The following SNAPC3 variants were observed in gnomAD, a reference collection of about 807,000 sequenced individuals.
SNAPC3 encodes the protein snRNA-activating protein complex subunit 3.
Under a neutral mutation model 47.7 loss-of-function variants are expected in SNAPC3, and 56 were observed. That is an observed-to-expected ratio of 1.18 (90% CI 0.95 to 1.47). The LOEUF is 1.47. Among genes scored for constraint, SNAPC3 ranks in the 40% most tolerant of loss-of-function variants. SNAPC3 has a pLI of 0.00. For missense variants in SNAPC3, 665 were observed against 511.3 expected (o/e 1.30, Z -2.90); for synonymous variants, 235 against 189.9 (o/e 1.24, Z -1.95).
At chr9:15,461,861 A>G (rs1358866110), downstream of SNAPC3, 1 of 152,210 alleles carries the variant, frequency 6.6e-6, no homozygotes, top group Non-Finnish European at 1.5e-5. Context: ...ATCAGTATAG[A>G]GAACTTAAGA....
downstream of SNAPC3, chr9:15,464,965 A>C: frequency 4.6e-6 from 1 of 217,214 alleles, no homozygotes; most frequent in Non-Finnish European, 9.3e-6. Context: ...TGTTCCAAAG[A>C]AGCTGGATAA....
intron 2 of SNAPC3, among the ~76,000 whole-genome samples, chr9:15,428,023 A>G (rs1258160077): frequency 6.6e-6 from 1 of 151,066 alleles, no homozygotes; most frequent in Non-Finnish European, 1.5e-5. Flanking sequence ...AGGCAAGAGA[A>G]TCACTTGAAC....
intron 2 of SNAPC3, among the ~76,000 whole-genome samples, chr9:15,433,232 A>C (rs560726252): frequency 1.3e-5 from 2 of 152,224 alleles, no homozygotes; most frequent in South Asian, 4.1e-4. Flanking sequence ...AGGAAAAATA[A>C]CAGATGCCAT....
At chr9:15,441,685 CAT>C (rs1455132933) in intron 3 of SNAPC3, among the ~76,000 whole-genome samples, 3 of 152,210 alleles carry the variant, frequency 2.0e-5, no homozygotes, top group African/African-American at 4.8e-5. Flanking sequence ...GGAGACAGCA[CAT>C]GTTTCAGAGA....
At chr9:15,425,587 A>G in intron 2 of SNAPC3, among the ~76,000 whole-genome samples, 1 of 152,180 alleles carries the variant, frequency 6.6e-6, no homozygotes, top group East Asian at 1.9e-4. Context: ...CTTAGGAAAC[A>G]GATGCATTTA....
chr9:15,427,792 A>G (rs10117803), intron 2 of SNAPC3, among the ~76,000 whole-genome samples: 10,434 of 152,218 alleles, frequency 0.069, 463 homozygotes, highest in African/African-American at 0.13. Flanking sequence ...TCCTGCAAAA[A>G]CAAAAAACAA....
intron 1 of SNAPC3, among the ~76,000 whole-genome samples, chr9:15,423,676 TAA>T (rs1278190916): frequency 1.3e-5 from 2 of 152,184 alleles, no homozygotes; most frequent in African/African-American, 4.8e-5. Context: ...GATGAAAATA[TAA>T]AAATAACTTT....
chr9:15,453,395 T>G (rs543975757), intron 7 of SNAPC3, 190 bp downstream of exon 7: 30 of 480,832 alleles, frequency 6.2e-5, no homozygotes, highest in African/African-American at 5.9e-4. Context: ...GCATCCTCTA[T>G]TGTTCATTAT....
At chr9:15,423,796 C>T (rs762908044) in intron 1 of SNAPC3, 113 bp from the exon 2 acceptor site, 5 of 540,884 alleles carry the variant, frequency 9.2e-6, no homozygotes, top group African/African-American at 4.0e-5. Flanking sequence ...GAGCCGCCTG[C>T]TGGATTTTAT....
chr9:15,464,722 G>C (rs186612442), downstream of SNAPC3: 1 of 202,244 alleles, frequency 4.9e-6, no homozygotes, highest in Non-Finnish European at 1.0e-5. Context: ...TTCAGTTTTA[G>C]TTACTAGTGC....
chr9:15,447,470 G>C (rs542989523), intron 5 of SNAPC3, among the ~76,000 whole-genome samples: 1 of 151,924 alleles, frequency 6.6e-6, no homozygotes, highest in Non-Finnish European at 1.5e-5. Flanking sequence ...CTATTGTATG[G>C]AGACTTTTCC....
intron 3 of SNAPC3, among the ~76,000 whole-genome samples, chr9:15,434,401 C>T (rs1309802941): frequency 1.4e-5 from 2 of 147,796 alleles, no homozygotes; most frequent in East Asian, 2.0e-4. Flanking sequence ...TTGTCCTTTT[C>T]TGTATGGCTT....
chr9:15,449,563 A>ATATATATATATTTTTT (rs1481688749), intron 5 of SNAPC3, among the ~76,000 whole-genome samples: 1 of 39,524 alleles, frequency 2.5e-5, no homozygotes, highest in African/African-American at 1.1e-4. Flanking sequence ...ATATATATAT[A>ATATATATATATTTTTT]TTTTTTTTTT....
Position 15,436,820 on chromosome 9 carries a change from G to GT in SNAPC3, c.477+3204dup, listed in dbSNP as rs34768913. Among the ~76,000 whole-genome samples the GT allele has an allele frequency of 1.3e-3, 114 of 84,630 alleles. 2 individuals carry two copies. The highest frequency in any genetic ancestry group is 4.6e-3 in the East Asian group (16 of 3,474). The allele number at this position is 84,630 out of a possible 152,430, so 55.5% of individuals were successfully genotyped here. ...TTTAGATATTTAATTTCTTACAGCA[G>GT]TTTTTTTTTTTTTTTTTTTTGAGAC... is the stretch of plus-strand genomic sequence containing the variant. On this transcript the variant is annotated intron_variant, in intron 3 of 8. Transcript: ENST00000380821.
At chr9:15,465,565 C>G (rs1264627724), downstream of SNAPC3, 9 of 1,585,194 alleles carry the variant, frequency 5.7e-6, no homozygotes, top group Non-Finnish European at 7.8e-6. Context: ...CAGTCTCTCT[C>G]TCTTCACTGG....
chr9:15,462,107 C>T (rs2035263718), downstream of SNAPC3: 4 of 152,174 alleles, frequency 2.6e-5, no homozygotes, highest in Admixed American at 2.6e-4. Context: ...ACTCTCAAAA[C>T]ACCAAACTTC....
At chr9:15,431,533 A>G (rs887937002) in intron 2 of SNAPC3, among the ~76,000 whole-genome samples, 3 of 152,054 alleles carry the variant, frequency 2.0e-5, no homozygotes, top group African/African-American at 4.8e-5. Flanking sequence ...CAGAGTATAC[A>G]CAAATATCTG....
chr9:15,442,574 G>C (rs2131858161), intron 3 of SNAPC3, among the ~76,000 whole-genome samples: 1 of 151,632 alleles, frequency 6.6e-6, no homozygotes, highest in South Asian at 2.1e-4. Flanking sequence ...TCCCAGACGG[G>C]GCGGCGGGGC....
intron 3 of SNAPC3, among the ~76,000 whole-genome samples, chr9:15,440,375 A>G (rs1191481644): frequency 6.6e-6 from 1 of 152,222 alleles, no homozygotes; most frequent in Non-Finnish European, 1.5e-5. Flanking sequence ...TGCTGGTAGT[A>G]ATTAATTCCC....
Sources: gnomAD v4.1 joint callset for allele counts (sites outside exome capture counted in the v4.1 genomes callset) on GRCh38, gnomAD v4.1.1 for gene constraint, MANE v1.5 for transcripts, NCBI Gene and HGNC (gene_info 2026-07-23, HGNC 2026-07-21) for gene names.